Variants in SUSD6 observed in about 807,000 individuals in gnomAD.
The protein encoded by SUSD6 is sushi domain-containing protein 6.
Under a neutral mutation model 28.4 loss-of-function variants are expected in SUSD6, and 16 were observed. That is an observed-to-expected ratio of 0.56 (90% CI 0.38 to 0.86). The LOEUF (loss-of-function observed/expected upper bound fraction) is 0.86, where lower values mean the gene tolerates loss of function less well. SUSD6 is among the 40% of genes least tolerant of loss of function. The pLI, the probability that SUSD6 is intolerant of heterozygous loss-of-function variation, is 0.00. For synonymous variants in SUSD6, 147 were observed against 159.6 expected, an observed-to-expected ratio of 0.92 and a Z score of 0.59; for missense variants, 341 against 384.2, an observed-to-expected ratio of 0.89 and a Z score of 0.94.
chr14:69,697,048 G>T (rs1273355507), intron 2 of SUSD6, among the ~76,000 whole-genome samples: 1 of 152,176 alleles, frequency 6.6e-6, no homozygotes, highest in Non-Finnish European at 1.5e-5. Flanking sequence ...TAGATTTCCA[G>T]GAAAGGGGTG....
At chr14:69,666,165 T>C (rs1885736392) in intron 2 of SUSD6, among the ~76,000 whole-genome samples, 1 of 152,188 alleles carries the variant, frequency 6.6e-6, no homozygotes, top group African/African-American at 2.4e-5. Context: ...AGATCCTTGA[T>C]ATTCGTGAGG....
intron 1 of SUSD6, among the ~76,000 whole-genome samples, chr14:69,613,248 C>T (rs1003375987): frequency 6.6e-6 from 1 of 152,180 alleles, no homozygotes. Context: ...TATCCCCATT[C>T]TTCTAGTTGA....
At chr14:69,690,037 AT>A (rs1389487370) in intron 2 of SUSD6, among the ~76,000 whole-genome samples, 3 of 152,154 alleles carry the variant, frequency 2.0e-5, no homozygotes, top group Non-Finnish European at 4.4e-5. Flanking sequence ...GATTAAAGGT[AT>A]TTTCTGTACA....
chr14:69,705,119 C>T (rs755540896), intron 4 of SUSD6, among the ~76,000 whole-genome samples: 10 of 151,830 alleles, frequency 6.6e-5, no homozygotes, highest in Non-Finnish European at 1.3e-4. Flanking sequence ...AGTTTGAGAC[C>T]AGCTTGACCA....
intron 1 of SUSD6, among the ~76,000 whole-genome samples, chr14:69,638,121 A>T (rs1431948177): frequency 6.6e-6 from 1 of 152,132 alleles, no homozygotes; most frequent in African/African-American, 2.4e-5. Context: ...AAAAACAAAA[A>T]ATGTTAGAAA....
At chr14:69,697,645 G>A (rs187568755) in intron 2 of SUSD6, among the ~76,000 whole-genome samples, 7 of 152,266 alleles carry the variant, frequency 4.6e-5, no homozygotes, top group African/African-American at 1.7e-4. Context: ...CTGTGGCCAT[G>A]TTATATTTCT....
At chr14:69,707,379 C>T (rs1886401023) in intron 4 of SUSD6, among the ~76,000 whole-genome samples, 2 of 152,186 alleles carry the variant, frequency 1.3e-5, no homozygotes, top group African/African-American at 4.8e-5. Flanking sequence ...GAATAAGCCT[C>T]ACACGTATGA....
intron 2 of SUSD6, among the ~76,000 whole-genome samples, chr14:69,663,178 G>A (rs1885688063): frequency 6.6e-6 from 1 of 152,154 alleles, no homozygotes; most frequent in African/African-American, 2.4e-5. Flanking sequence ...AATCCAACTG[G>A]CTTGCTGACT....
At chr14:69,620,651 G>GA (rs1433351235) in intron 1 of SUSD6, among the ~76,000 whole-genome samples, 1 of 152,202 alleles carries the variant, frequency 6.6e-6, no homozygotes, top group Non-Finnish European at 1.5e-5. Context: ...GGAAGAACTT[G>GA]AAAAGTATCG....
intron 1 of SUSD6, among the ~76,000 whole-genome samples, chr14:69,637,366 T>C (rs1244446603): frequency 1.3e-5 from 2 of 152,168 alleles, no homozygotes; most frequent in Non-Finnish European, 2.9e-5. Context: ...GCAGAGACTG[T>C]CTGCTATCAC....
chr14:69,707,527 G>A (rs1213136023), intron 4 of SUSD6, among the ~76,000 whole-genome samples: 1 of 152,202 alleles, frequency 6.6e-6, no homozygotes, highest in Non-Finnish European at 1.5e-5. Flanking sequence ...AGGAGGAGGT[G>A]AGAGGATTGC....
intron 2 of SUSD6, among the ~76,000 whole-genome samples, chr14:69,677,408 G>A (rs555696752): frequency 9.9e-5 from 15 of 152,244 alleles, no homozygotes; most frequent in African/African-American, 2.9e-4. Flanking sequence ...TTAGCTGGGC[G>A]TGGTGGTGGA....
chr14:69,706,850 C>G (rs1286304970), intron 4 of SUSD6, among the ~76,000 whole-genome samples: 3 of 152,232 alleles, frequency 2.0e-5, no homozygotes, highest in South Asian at 2.1e-4. Flanking sequence ...AACAATCTAG[C>G]AACAATAATA....
chr14:69,618,036 A>T (rs1884984512), intron 1 of SUSD6, among the ~76,000 whole-genome samples: 1 of 152,178 alleles, frequency 6.6e-6, no homozygotes, highest in South Asian at 2.1e-4. Context: ...CCTCTACAGG[A>T]TGTGTCCCTG....
chr14:69,651,565 G>A (rs922972714), intron 1 of SUSD6, among the ~76,000 whole-genome samples: 3 of 152,120 alleles, frequency 2.0e-5, no homozygotes, highest in Non-Finnish European at 2.9e-5. Flanking sequence ...GTCAGAGTCC[G>A]GTAAAATATG....
At chr14:69,629,947 C>G (rs752754454) in intron 1 of SUSD6, among the ~76,000 whole-genome samples, 14 of 152,186 alleles carry the variant, frequency 9.2e-5, no homozygotes, top group Non-Finnish European at 1.8e-4. Context: ...TAAACATTGT[C>G]TTGTCTCATT....
At chr14:69,709,202 T>A in intron 5 of SUSD6, 98 bp downstream of exon 5, 1 of 1,177,246 alleles carries the variant, frequency 8.5e-7, no homozygotes, top group Non-Finnish European at 1.2e-6. Flanking sequence ...GGTATATTTT[T>A]AGCAAAAAAA....
rs1885616755 is a variant in SUSD6 at position 69,658,510 on chromosome 14, C to T, written c.-80-3C>T. 2.1e-6 allele frequency: 3 copies of T among 1,428,582 alleles called. No individual in the cohort carries two copies. Among genetic ancestry groups the T allele is most frequent in the Non-Finnish European group, 9.7e-7 (1 of 1,031,268 alleles). The allele number at this position is 1,428,582 out of a possible 1,614,324, so 88.5% of individuals were successfully genotyped here. On this transcript the variant is annotated splice_region_variant and splice_polypyrimidine_tract_variant and intron_variant, in intron 1 of 5. Transcript: ENST00000342745. ...ACTTTATGTCCTTGTTTGTTTGTTA[C>T]AGGTGAATCAGCTCCCGGCCGACTT...
At chr14:69,634,095 A>G (rs1885231392) in intron 1 of SUSD6, among the ~76,000 whole-genome samples, 1 of 152,202 alleles carries the variant, frequency 6.6e-6, no homozygotes, top group Non-Finnish European at 1.5e-5. Context: ...GTTCATGTGG[A>G]AAATGTGCTT....
Sources: allele counts gnomAD v4.1 joint callset (sites outside exome capture counted in the v4.1 genomes callset), GRCh38; gene constraint gnomAD v4.1.1; transcripts MANE v1.5; gene names NCBI Gene and HGNC (gene_info 2026-07-23, HGNC 2026-07-21).